Variants in MDN1 observed in about 807,000 individuals in gnomAD.
The protein encoded by MDN1 is midasin.
In MDN1, 266 loss-of-function variants were observed where a neutral mutation model predicts 669.2. The observed-to-expected ratio is 0.40, with a 90% CI of 0.36 to 0.44. The LOEUF is 0.44. Ranked by LOEUF, MDN1 falls within the 20% of genes least tolerant of loss-of-function variation. The pLI is 1.00. For synonymous variants in MDN1, 2,385 were observed against 2,457.1 expected, an observed-to-expected ratio of 0.97 and a Z score of 0.87; for missense variants, 5,940 against 6,754.0, an observed-to-expected ratio of 0.88 and a Z score of 4.22.
At chr6:89,717,798 G>A (rs1814501312) in intron 43 of MDN1, among the ~76,000 whole-genome samples, 2 of 152,168 alleles carry the variant, frequency 1.3e-5, no homozygotes, top group African/African-American at 4.8e-5. Flanking sequence ...TCAACACTTT[G>A]TAATCAGTTA....
In MDN1 at chr6:89,658,650, CCTT is replaced by C; in HGVS notation, c.14978_14980del (p.Glu4993del). 6.2e-7 allele frequency: 1 copy of C among 1,613,082 alleles called. No individual in the cohort carries two copies. ...TTGGTCAGCAGGGCCATTCTCTCCA[CCTT>C]CTTCATCGGCTTCCTTGTCTTTTTC... On this transcript the variant is annotated inframe_deletion, in exon 89 of 102. Coordinates refer to ENST00000369393, the MANE Select transcript of MDN1 (RefSeq NM_014611.3).
chr6:89,655,971 G>T lies in MDN1; in HGVS notation c.15286-3C>A. 6.2e-7 allele frequency: 1 copy of T among 1,612,600 alleles called. No homozygotes were observed. Among genetic ancestry groups the T allele is most frequent in the African/African-American group, 1.3e-5 (1 of 74,986 alleles). On this transcript the variant is annotated splice_polypyrimidine_tract_variant and splice_region_variant and intron_variant, in intron 91 of 101. Coordinates refer to ENST00000369393, the MANE Select transcript of MDN1 (RefSeq NM_014611.3). ...TGCCCAGGTTTCCTCTTAAAACTCT[G>T]AGAAATACAAGGAAATTCATCAGAG...
At chr6:89,779,502 A>G (rs1385492064) in intron 11 of MDN1, among the ~76,000 whole-genome samples, 1 of 152,186 alleles carries the variant, frequency 6.6e-6, no homozygotes, top group African/African-American at 2.4e-5. Flanking sequence ...GGTTCAGTCA[A>G]CCAACATCAA....
chr6:89,804,190 G>A (rs1165295666), intron 1 of MDN1, among the ~76,000 whole-genome samples: 5 of 152,090 alleles, frequency 3.3e-5, no homozygotes, highest in South Asian at 2.1e-4. Context: ...GATTACAGGC[G>A]TGAGCCACCA....
At chr6:89,701,755 TTC>T in intron 54 of MDN1, 77 bp from the exon 55 acceptor site, 2 of 1,513,600 alleles carry the variant, frequency 1.3e-6, no homozygotes, top group Non-Finnish European at 1.8e-6. Flanking sequence ...CATTAATATT[TTC>T]TTTCTTTCTT....
intron 7 of MDN1, 83 bp downstream of exon 7, chr6:89,789,697 A>G: frequency 6.9e-7 from 1 of 1,454,832 alleles, no homozygotes; most frequent in Non-Finnish European, 9.2e-7. Flanking sequence ...TGTTTAAATC[A>G]TCACCAGAAT....
chr6:89,692,961 C>T lies in MDN1; in HGVS notation c.10069G>A (p.Asp3357Asn), dbSNP rs111372259. 3 of 1,614,070 alleles carry T rather than the reference C, an allele frequency of 1.9e-6. No individual in the cohort carries two copies. The highest frequency in any genetic ancestry group is 2.7e-5 in the African/African-American group (2 of 75,046). The change falls in exon 63 of 102, where the codon GAT becomes AAT. Residue 3357 changes from aspartate to asparagine, a missense_variant. Transcript: ENST00000369393. ...LTRLLQALHIDGPRSAQVAQS... is the reference protein window; with the variant it reads ...LTRLLQALHINGPRSAQVAQS... ...GCTACTTGGGCAGACCGTGGCCCATCTATGTGGAGGGCCTGCAGAAGCCGT... is the reference window on the plus strand; with the variant it reads ...GCTACTTGGGCAGACCGTGGCCCATTTATGTGGAGGGCCTGCAGAAGCCGT...
chr6:89,801,959 C>T (rs1220430161), intron 2 of MDN1, among the ~76,000 whole-genome samples: 1 of 143,420 alleles, frequency 7.0e-6, no homozygotes, highest in Admixed American at 6.9e-5. Flanking sequence ...GAGACTGCTT[C>T]AAAAAGAAAA....
At chr6:89,657,645 A>G (rs1456574028) in intron 90 of MDN1, among the ~76,000 whole-genome samples, 1 of 152,170 alleles carries the variant, frequency 6.6e-6, no homozygotes, top group Non-Finnish European at 1.5e-5. Context: ...ATCTAGAGCT[A>G]CCAGTCTAAC....
At chr6:89,786,375 G>A (rs985550222) in intron 8 of MDN1, among the ~76,000 whole-genome samples, 7 of 152,060 alleles carry the variant, frequency 4.6e-5, no homozygotes, top group Non-Finnish European at 8.8e-5. Flanking sequence ...AGGACTGCTC[G>A]AGTCCAGGAG....
At chr6:89,804,968 C>T (rs551145036) in intron 1 of MDN1, among the ~76,000 whole-genome samples, 17 of 131,844 alleles carry the variant, frequency 1.3e-4, no homozygotes, top group South Asian at 2.6e-4. Context: ...CCCCGGGAGG[C>T]GGAGCCTGTA....
rs371802376 is a variant in MDN1 at position 89,715,641 on chromosome 6, A to C, written c.6860+12T>G. The C allele has an allele frequency of 1.3e-6, 2 of 1,514,544 alleles. No homozygotes were observed. Among genetic ancestry groups the C allele is most frequent in the Non-Finnish European group, 1.8e-6 (2 of 1,089,326 alleles). The allele number at this position is 1,514,544 out of a possible 1,614,324, so 93.8% of individuals were successfully genotyped here. ...TCAGATTCTGAGGCAGAAATGTAAG[A>C]GATACAAATACCTGAAATTGGGATT... On this transcript the variant is annotated intron_variant, in intron 45 of 101. Transcript: ENST00000369393.
chr6:89,774,497 AT>A, intron 13 of MDN1, 123 bp downstream of exon 13: 2 of 661,348 alleles, frequency 3.0e-6, no homozygotes, highest in Non-Finnish European at 5.4e-6. Flanking sequence ...TCCTTCCCAT[AT>A]AGCATACTAC....
chr6:89,709,294 A>G (rs1813723354), intron 50 of MDN1, among the ~76,000 whole-genome samples: 1 of 152,252 alleles, frequency 6.6e-6, no homozygotes, highest in Non-Finnish European at 1.5e-5. Flanking sequence ...AGCATCCACC[A>G]TATAGTAGAC....
chr6:89,771,814 T>A (rs1459984989), intron 14 of MDN1, among the ~76,000 whole-genome samples, 193 bp from the exon 15 acceptor site: 2 of 152,064 alleles, frequency 1.3e-5, no homozygotes, highest in Admixed American at 6.6e-5. Flanking sequence ...GCTCAAGTGA[T>A]CCTTGTCTCA....
intron 24 of MDN1, 138 bp from the exon 25 acceptor site, chr6:89,749,889 A>C (rs1381535534): frequency 3.0e-6 from 2 of 675,754 alleles, no homozygotes; most frequent in African/African-American, 3.6e-5. Flanking sequence ...TTGCCTCAAA[A>C]CAAATTATGA....
At position 89,700,137 on chromosome 6, in the gene MDN1, A is replaced by G. The variant is rs991728273; in HGVS notation, c.8796T>C (p.Pro2932=). The G allele has an allele frequency of 2.5e-6, 4 of 1,614,120 alleles. No individual in the cohort carries two copies. The African/African-American group carries it at 5.3e-5, about 22-fold the overall frequency. The part of the protein sequence containing the change: ...IHLTRSVQLW[P]AMEYLAMLWR... ...AAAGCATAGCCAGGTACTCCATTGC[A>G]GGCCACAACTGAACACTCCTGGTGA... The change falls in exon 57 of 102, where the codon CCT becomes CCC. Residue 2932 remains proline (P), a synonymous_variant. Transcript: ENST00000369393.
intron 20 of MDN1, among the ~76,000 whole-genome samples, chr6:89,755,640 T>C (rs936868606): frequency 6.6e-6 from 1 of 152,164 alleles, no homozygotes; most frequent in Non-Finnish European, 1.5e-5. Flanking sequence ...CCTATTTCAA[T>C]CCTTTTACAT....
chr6:89,766,012 A>G (rs560798339), intron 15 of MDN1, among the ~76,000 whole-genome samples: 1 of 152,338 alleles, frequency 6.6e-6, no homozygotes, highest in East Asian at 1.9e-4. Flanking sequence ...AACCTCATTC[A>G]GGCCAGGCGC....
Sources: allele counts gnomAD v4.1 joint callset (sites outside exome capture counted in the v4.1 genomes callset), GRCh38; gene constraint gnomAD v4.1.1; transcripts MANE v1.5; gene names NCBI Gene and HGNC (gene_info 2026-07-23, HGNC 2026-07-21).